PDE4D: variants seen among roughly 807,000 people sequenced by gnomAD.
PDE4D encodes 3',5'-cyclic-AMP phosphodiesterase 4D.
PDE4D carries 24 observed loss-of-function variants against 87.4 expected under a neutral mutation model. The observed-to-expected ratio is 0.27, with a 90% CI of 0.20 to 0.39. The LOEUF (loss-of-function observed/expected upper bound fraction) is 0.39, where lower values mean the gene tolerates loss of function less well. Among genes scored for constraint, PDE4D ranks in the 10% least tolerant of loss-of-function variants. The pLI is 1.00. For missense variants in PDE4D, 714 were observed against 1,041.0 expected, an observed-to-expected ratio of 0.69 and a Z score of 4.32; for synonymous variants, 384 against 383.2, an observed-to-expected ratio of 1.00 and a Z score of -0.02.
At chr5:60,165,255 A>T (rs1395856717) in intron 2 of PDE4D, among the ~76,000 whole-genome samples, 1 of 152,164 alleles carries the variant, frequency 6.6e-6, no homozygotes, top group Non-Finnish European at 1.5e-5. Context: ...GCTGCAATAA[A>T]CATGGACTGC....
chr5:59,910,433 C>T (rs1490250949), intron 3 of PDE4D, among the ~76,000 whole-genome samples: 1 of 152,178 alleles, frequency 6.6e-6, no homozygotes, highest in Non-Finnish European at 1.5e-5. Flanking sequence ...ATTTTATGAG[C>T]TTACACCTCT....
chr5:59,616,607 G>A (rs1034663342), intron 1 of PDE4D, among the ~76,000 whole-genome samples: 1 of 151,948 alleles, frequency 6.6e-6, no homozygotes, highest in East Asian at 1.9e-4. Context: ...GCTCCCTAGC[G>A]ATGCTCTCAA....
At chr5:59,087,760 G>GCT (rs1767980079) in intron 5 of PDE4D, among the ~76,000 whole-genome samples, 1 of 151,972 alleles carries the variant, frequency 6.6e-6, no homozygotes, top group Admixed American at 6.6e-5. Context: ...CCTGTTTGAG[G>GCT]CTCTCTCACA....
intron 1 of PDE4D, among the ~76,000 whole-genome samples, chr5:59,862,918 T>C (rs1746492024): frequency 6.6e-6 from 1 of 152,194 alleles, no homozygotes; most frequent in East Asian, 1.9e-4. Flanking sequence ...GAATTTGACA[T>C]TTCTATTCTT....
rs577485936 is a variant in PDE4D, at chr5:59,496,485, T to C, written c.456-280517A>G. ...CTTCTTTACCCAGCACTTCCCAGCA[T>C]CCCTTACATATCAACTACTGGGTTC... On this transcript the variant is annotated intron_variant, in intron 1 of 14. Transcript: ENST00000340635. Among the ~76,000 whole-genome samples the C allele has an allele frequency of 3.9e-5, 6 of 152,226 alleles. No homozygotes were observed. In the East Asian group the frequency reaches 9.7e-4, roughly 25 times the overall value.
chr5:59,121,017 G>A (rs1561520352), intron 5 of PDE4D, among the ~76,000 whole-genome samples: 1 of 152,114 alleles, frequency 6.6e-6, no homozygotes, highest in Admixed American at 6.5e-5. Context: ...CCCATAAGCA[G>A]AAGAATGAAA....
chr5:59,967,791 GCACTCA>G (rs1204910042), intron 3 of PDE4D, among the ~76,000 whole-genome samples: 4 of 152,140 alleles, frequency 2.6e-5, no homozygotes, highest in African/African-American at 7.2e-5. Flanking sequence ...AAAGACACAT[GCACTCA>G]TATGCTCATC....
At chr5:59,647,890 A>G (rs531795536) in intron 1 of PDE4D, among the ~76,000 whole-genome samples, 2 of 152,332 alleles carry the variant, frequency 1.3e-5, no homozygotes, top group African/African-American at 4.8e-5. Flanking sequence ...GAAAAGGTAT[A>G]TGTAAAATGA....
chr5:59,942,020 G>A (rs1038070724), intron 3 of PDE4D, among the ~76,000 whole-genome samples: 1 of 152,164 alleles, frequency 6.6e-6, no homozygotes, highest in Admixed American at 6.5e-5. Flanking sequence ...AGGGGAGAGA[G>A]CTCTGTGTTC....
chr5:60,446,497 T>C (rs1745654361), intron 1 of PDE4D, among the ~76,000 whole-genome samples: 1 of 152,130 alleles, frequency 6.6e-6, no homozygotes, highest in Non-Finnish European at 1.5e-5. Context: ...CAAAATCATA[T>C]TATCATATAC....
chr5:59,835,692 C>G (rs1056935083), intron 1 of PDE4D, among the ~76,000 whole-genome samples: 6 of 152,038 alleles, frequency 3.9e-5, no homozygotes, highest in Non-Finnish European at 8.8e-5. Flanking sequence ...GACTACCTTT[C>G]TCAGGGTAGG....
intron 1 of PDE4D, among the ~76,000 whole-genome samples, chr5:59,656,399 C>A (rs961022113): frequency 5.9e-5 from 9 of 152,216 alleles, no homozygotes; most frequent in Non-Finnish European, 1.3e-4. Context: ...TCATCCAAAT[C>A]TCTCTTAATC....
intron 1 of PDE4D, among the ~76,000 whole-genome samples, chr5:59,491,761 T>G (rs1178203424): frequency 6.6e-6 from 1 of 152,206 alleles, no homozygotes; most frequent in East Asian, 1.9e-4. Flanking sequence ...ATGTTATAGT[T>G]AAATATAATG....
At chr5:59,964,648 C>T (rs1759811348) in intron 3 of PDE4D, among the ~76,000 whole-genome samples, 1 of 152,156 alleles carries the variant, frequency 6.6e-6, no homozygotes, top group Non-Finnish European at 1.5e-5. Context: ...TCCCCACTCC[C>T]TCTACTCTAG....
chr5:59,788,215 A>G (rs1303491812), intron 1 of PDE4D, among the ~76,000 whole-genome samples: 1 of 152,202 alleles, frequency 6.6e-6, no homozygotes, highest in Non-Finnish European at 1.5e-5. Context: ...TTCATGGTAC[A>G]GTGTCATTTC....
intron 1 of PDE4D, among the ~76,000 whole-genome samples, chr5:60,294,400 G>A (rs1349471467): frequency 6.6e-6 from 1 of 152,044 alleles, no homozygotes; most frequent in African/African-American, 2.4e-5. Context: ...ATTTACGTAT[G>A]TCTTTTGATG....
intron 1 of PDE4D, among the ~76,000 whole-genome samples, chr5:59,735,639 C>A (rs981030177): frequency 5.9e-5 from 9 of 152,062 alleles, no homozygotes; most frequent in African/African-American, 1.9e-4. Flanking sequence ...AAAAAGCAAG[C>A]ATGCTAAGCA....
chr5:59,459,070 GT>G (rs1800351970), intron 1 of PDE4D, among the ~76,000 whole-genome samples: 2 of 152,110 alleles, frequency 1.3e-5, no homozygotes, highest in South Asian at 4.1e-4. Context: ...AATAAAAACT[GT>G]TTTTAATGGC....
intron 2 of PDE4D, among the ~76,000 whole-genome samples, chr5:60,087,021 C>A (rs752628995): frequency 6.6e-6 from 1 of 152,210 alleles, no homozygotes; most frequent in Non-Finnish European, 1.5e-5. Flanking sequence ...AAAGTTGGGA[C>A]TGAGTTCTGG....
Sources: gnomAD v4.1 joint callset for allele counts (sites outside exome capture counted in the v4.1 genomes callset) on GRCh38, gnomAD v4.1.1 for gene constraint, MANE v1.5 for transcripts, NCBI Gene and HGNC (gene_info 2026-07-23, HGNC 2026-07-21) for gene names.